Variants in ZNF138 observed in about 807,000 individuals in gnomAD.
ZNF138 encodes the protein zinc finger protein 138 (clone pHZ-32).
A neutral mutation model predicts 33.0 loss-of-function variants in ZNF138; 33 were observed. The ratio of observed to expected loss-of-function variants is 1.00; its 90% confidence interval spans 0.76 to 1.34. The LOEUF (loss-of-function observed/expected upper bound fraction) is 1.34, where lower values mean the gene tolerates loss of function less well. Among genes scored for constraint, ZNF138 ranks in the 40% most tolerant of loss-of-function variants. The probability of loss-of-function intolerance (pLI) is 0.00; values close to 1 mark genes in which losing one functional copy is unlikely to be tolerated. For synonymous variants in ZNF138, 139 were observed against 120.4 expected (o/e 1.15, Z -1.01); for missense variants, 360 against 370.8 (o/e 0.97, Z 0.24).
chr7:64,797,416 A>T (rs1183208684), intron 1 of ZNF138, among the ~76,000 whole-genome samples: 1 of 152,184 alleles, frequency 6.6e-6, no homozygotes, highest in Non-Finnish European at 1.5e-5. Context: ...AATTTTGCTG[A>T]ATTTTTCAGT....
chr7:64,839,013 G>A, the ZNF138 span, among the ~76,000 whole-genome samples: 53 of 152,136 alleles, frequency 3.5e-4, no homozygotes, highest in African/African-American at 1.2e-3. Context: ...AGACTTCAAG[G>A]GGAAGGCTAG....
At position 64,794,437 on chromosome 7, in the gene ZNF138, C is replaced by A; in HGVS notation, c.-132C>A. 1 of 1,364,332 alleles carries A rather than the reference C, an allele frequency of 7.3e-7. No individual in the cohort carries two copies. 84.5% of individuals were successfully genotyped at this position (1,364,332 alleles called of 1,614,324 possible). ...AGGCGGCGGGGTCTTTGTCTCGCTG[C>A]AGCGGGTGCTGCAGGTCTGGCCTTC... is the stretch of plus-strand genomic sequence containing the variant. On this transcript the variant is annotated 5_prime_UTR_variant, in exon 1 of 4. Transcript: ENST00000307355.
chr7:64,810,569 AT>A (rs373060528), intron 1 of ZNF138, among the ~76,000 whole-genome samples: 16 of 508 alleles, frequency 0.031, no homozygotes, highest in East Asian at 0.31. Context: ...TAAATTGCTT[AT>A]TAGTATATGT....
chr7:64,818,716 C>G (rs1179929246), intron 3 of ZNF138, among the ~76,000 whole-genome samples: 7 of 137,280 alleles, frequency 5.1e-5, no homozygotes, highest in African/African-American at 1.5e-4. Context: ...TGCCTCTGCA[C>G]TTTAGCCTGG....
At chr7:64,847,332 A>ATATATAT in the ZNF138 span, among the ~76,000 whole-genome samples, 1,520 of 128,088 alleles carry the variant, frequency 0.012, 20 homozygotes, top group Non-Finnish European at 0.019. Flanking sequence ...ATATATATAT[A>ATATATAT]TTTTTTTTTT....
Position 64,804,469 on chromosome 7 carries a change from G to A in ZNF138, c.3+9898G>A, listed in dbSNP as rs564265920. ...AGTTGTGAGTCTTGCTGAAGCTCCC[G>A]GCTGAATAAAGCCCTTCCTTCTTTA... On this transcript the variant is annotated intron_variant, in intron 1 of 3. Coordinates refer to ENST00000307355, the MANE Select transcript of ZNF138 (RefSeq NM_001271639.2). Among the ~76,000 whole-genome samples, 69 of 152,250 alleles carry A rather than the reference G, an allele frequency of 4.5e-4. 1 individual carries two copies. In the South Asian group the frequency reaches 9.3e-3, roughly 21 times the overall value.
the ZNF138 span, chr7:64,853,189 G>A: frequency 3.8e-6 from 6 of 1,595,268 alleles, no homozygotes; most frequent in South Asian, 6.6e-5. Context: ...AAGGCTCCCA[G>A]AAACTGCTCA....
chr7:64,827,411 AT>A (rs1789727931), intron 3 of ZNF138, among the ~76,000 whole-genome samples: 2 of 151,642 alleles, frequency 1.3e-5, no homozygotes, highest in African/African-American at 2.4e-5. Flanking sequence ...CGCCTGGCTA[AT>A]TTTTTGTATT....
chr7:64,832,778 T>C lies in ZNF138; in HGVS notation c.*576T>C, dbSNP rs1316359215. On this transcript the variant is annotated 3_prime_UTR_variant, in exon 4 of 4. Transcript: ENST00000307355. ...AATGTGAGGAATGTGGCAAAGGTTT[T>C]AGCCAACTCTCAAACCTTACTAAAC... 1 of 450,688 alleles carries C rather than the reference T, an allele frequency of 2.2e-6. No individual in the cohort carries two copies. The highest frequency in any genetic ancestry group is 2.0e-5 in the African/African-American group (1 of 49,650). 27.9% of individuals were successfully genotyped at this position (450,688 alleles called of 1,614,324 possible).
chr7:64,809,679 G>C (rs565915430), intron 1 of ZNF138, among the ~76,000 whole-genome samples: 1 of 149,704 alleles, frequency 6.7e-6, no homozygotes, highest in South Asian at 2.1e-4. Flanking sequence ...CTGCCGGGCG[G>C]AGGGGCTCCT....
intron 1 of ZNF138, among the ~76,000 whole-genome samples, chr7:64,797,863 G>C (rs1246193861): frequency 6.6e-6 from 1 of 152,168 alleles, no homozygotes; most frequent in Non-Finnish European, 1.5e-5. Context: ...CTTTCTTAGG[G>C]AGGAGCAAAA....
At chr7:64,817,195 A>C (rs10282236) in intron 3 of ZNF138, among the ~76,000 whole-genome samples, 150,071 of 152,280 alleles carry the variant, frequency 0.99, 73,985 homozygotes, top group Non-Finnish European at 1. Context: ...AGTCATTGAA[A>C]TGCTTCAGGG....
intron 1 of ZNF138, among the ~76,000 whole-genome samples, chr7:64,812,349 A>G (rs1788246215): frequency 6.6e-6 from 1 of 151,794 alleles, no homozygotes; most frequent in African/African-American, 2.4e-5. Context: ...TTTTCTAGAG[A>G]AGGTTTCGCC....
chr7:64,827,250 AC>A (rs1425261525), intron 3 of ZNF138, among the ~76,000 whole-genome samples: 1 of 92,140 alleles, frequency 1.1e-5, no homozygotes, highest in Admixed American at 1.1e-4. Context: ...CCACCATGAA[AC>A]TTTTTTTTTT....
downstream of ZNF138, chr7:64,835,164 T>G (rs1214723075): frequency 2.0e-5 from 3 of 152,196 alleles, no homozygotes; most frequent in Non-Finnish European, 4.4e-5. Flanking sequence ...ACAGGAAAGG[T>G]GAACCCGGAA....
intron 3 of ZNF138, among the ~76,000 whole-genome samples, chr7:64,817,110 A>G (rs1254623298): frequency 6.6e-6 from 1 of 151,972 alleles, no homozygotes; most frequent in Non-Finnish European, 1.5e-5. Flanking sequence ...ACCAGAGAGG[A>G]TTTTTCCAGG....
At chr7:64,811,807 C>T (rs1019370625) in intron 1 of ZNF138, among the ~76,000 whole-genome samples, 19 of 152,070 alleles carry the variant, frequency 1.2e-4, no homozygotes, top group African/African-American at 4.6e-4. Flanking sequence ...AATAATGAGC[C>T]CAAGGGGAGC....
chr7:64,843,220 A>G, the ZNF138 span, among the ~76,000 whole-genome samples: 2 of 152,208 alleles, frequency 1.3e-5, no homozygotes, highest in Non-Finnish European at 2.9e-5. Flanking sequence ...TACTCATTAA[A>G]TGTTGAAACC....
chr7:64,831,522 C>G lies in ZNF138; in HGVS notation c.280C>G (p.Leu94Val). ...NIKDSFQKVT[L>V]SRYGKYGHKN... ...AAAAGATTCTTTCCAAAAAGTGACA[C>G]TGAGCAGATATGGAAAATATGGACA... is the stretch of plus-strand genomic sequence containing the variant. The change falls in exon 4 of 4, where the codon CTG becomes GTG. Residue 94 changes from leucine (L) to valine (V), a missense_variant. By Grantham distance (32) the Leu-to-Val change is conservative. Transcript: ENST00000307355. 6.2e-7 allele frequency: 1 copy of G among 1,610,278 alleles called. No individual in the cohort carries two copies. The highest frequency in any genetic ancestry group is 8.5e-7 in the Non-Finnish European group (1 of 1,178,970).
Sources: gnomAD v4.1 joint callset for allele counts (sites outside exome capture counted in the v4.1 genomes callset) on GRCh38, gnomAD v4.1.1 for gene constraint, MANE v1.5 for transcripts, NCBI Gene and HGNC (gene_info 2026-07-23, HGNC 2026-07-21) for gene names.